Variants in SH3PXD2A observed in about 807,000 individuals in gnomAD.
The protein encoded by SH3PXD2A is SH3 and PX domain-containing protein 2A.
SH3PXD2A carries 32 observed loss-of-function variants against 115.2 expected under a neutral mutation model. That is an observed-to-expected ratio of 0.28 (90% CI 0.21 to 0.37). The LOEUF is 0.37. Ranked by LOEUF, SH3PXD2A falls within the 10% of genes least tolerant of loss-of-function variation. The probability of loss-of-function intolerance (pLI) is 1.00; values close to 1 mark genes in which losing one functional copy is unlikely to be tolerated. For synonymous variants in SH3PXD2A, 610 were observed against 629.1 expected, an observed-to-expected ratio of 0.97 and a Z score of 0.45; for missense variants, 1,328 against 1,498.7, an observed-to-expected ratio of 0.89 and a Z score of 1.88.
chr10:103,786,570 G>A (rs2038983159), intron 2 of SH3PXD2A, among the ~76,000 whole-genome samples: 1 of 152,178 alleles, frequency 6.6e-6, no homozygotes, highest in African/African-American at 2.4e-5. Context: ...AGGAAGCTGA[G>A]CTGAGAGGAT....
At position 103,598,060 on chromosome 10, in the gene SH3PXD2A, G is replaced by A. The variant is rs1220068692; in HGVS notation, c.*3756C>T. ...AACATGCCTTGCTGAGGAAAGCAAT[G>A]GATATAAATGCCTGTAAAATACGCT... is the stretch of plus-strand genomic sequence containing the variant. On this transcript the variant is annotated 3_prime_UTR_variant, in exon 15 of 15. Transcript: ENST00000369774. The A allele has an allele frequency of 2.0e-5, 3 of 152,620 alleles. No individual in the cohort carries two copies. The East Asian group carries it at 5.8e-4, about 29-fold the overall frequency. 9.5% of individuals were successfully genotyped at this position (152,620 alleles called of 1,614,324 possible). A position where few individuals can be genotyped will look rare whatever the true frequency, so the allele number is the denominator to read the frequency against.
chr10:103,764,747 A>G (rs1018801628), intron 3 of SH3PXD2A, among the ~76,000 whole-genome samples: 1 of 152,128 alleles, frequency 6.6e-6, no homozygotes, highest in Admixed American at 6.5e-5. Flanking sequence ...TGTTCTCGGC[A>G]CCTGGGCAGC....
At chr10:103,655,635 T>C (rs1183201052) in intron 8 of SH3PXD2A, among the ~76,000 whole-genome samples, 1 of 151,864 alleles carries the variant, frequency 6.6e-6, no homozygotes, top group Non-Finnish European at 1.5e-5. Flanking sequence ...CAGGCAGGCA[T>C]GGTGGTGCAC....
intron 2 of SH3PXD2A, among the ~76,000 whole-genome samples, chr10:103,769,021 C>G (rs1388947654): frequency 6.6e-6 from 1 of 152,052 alleles, no homozygotes; most frequent in Non-Finnish European, 1.5e-5. Flanking sequence ...GGGATCAGCC[C>G]TCATGACCCA....
chr10:103,772,686 G>A (rs1238646925), intron 2 of SH3PXD2A, among the ~76,000 whole-genome samples: 1 of 152,210 alleles, frequency 6.6e-6, no homozygotes, highest in African/African-American at 2.4e-5. Context: ...GCTCTCCCAG[G>A]GCAGGGCTCC....
At chr10:103,827,605 A>T (rs1013688343) in intron 1 of SH3PXD2A, among the ~76,000 whole-genome samples, 1 of 152,164 alleles carries the variant, frequency 6.6e-6, no homozygotes. Context: ...CGCCTGGCAC[A>T]CCACATTCTC....
chr10:103,810,836 C>A (rs75747224), intron 1 of SH3PXD2A, among the ~76,000 whole-genome samples: 1 of 95,718 alleles, frequency 1.0e-5, no homozygotes, highest in Admixed American at 1.3e-4. Context: ...ACAACACACA[C>A]AACACACACA....
chr10:103,614,279 GA>G (rs2036475119), intron 11 of SH3PXD2A, among the ~76,000 whole-genome samples: 1 of 152,012 alleles, frequency 6.6e-6, no homozygotes, highest in Non-Finnish European at 1.5e-5. Flanking sequence ...GTGATTTGGG[GA>G]AAACTGATGA....
intron 7 of SH3PXD2A, chr10:103,661,860 AAC>A (rs2037310155): frequency 6.1e-6 from 6 of 984,810 alleles, no homozygotes; most frequent in African/African-American, 1.8e-5. Flanking sequence ...GTTTACTTGA[AAC>A]CCAAGAAGAA....
At chr10:103,738,835 T>C (rs992690006) in intron 3 of SH3PXD2A, among the ~76,000 whole-genome samples, 25 of 151,920 alleles carry the variant, frequency 1.6e-4, no homozygotes, top group South Asian at 4.2e-4. Context: ...ACTTTTGTTG[T>C]CCAGGCTGGA....
At chr10:103,647,552 G>A (rs560302992) in intron 8 of SH3PXD2A, among the ~76,000 whole-genome samples, 1 of 152,342 alleles carries the variant, frequency 6.6e-6, no homozygotes, top group East Asian at 1.9e-4. Context: ...GTGTCTGGTT[G>A]TGCAGTCAGG....
In SH3PXD2A at chr10:103,752,933, G is replaced by A. The variant is rs576056426; in HGVS notation, c.229+14161C>T. ...GCAGTTGATAGATTAAGTGAAAGGT[G>A]ACTGAGAAAATAATGTAATCTAGCT... is the stretch of plus-strand genomic sequence containing the variant. On this transcript the variant is annotated intron_variant, in intron 3 of 14. Coordinates refer to ENST00000369774, the MANE Select transcript of SH3PXD2A (RefSeq NM_001394015.1). Among the ~76,000 whole-genome samples the A allele has an allele frequency of 2.3e-3, 348 of 152,258 alleles. 1 individual carries two copies. Among genetic ancestry groups the A allele is most frequent in the Non-Finnish European group, 3.6e-3 (247 of 68,022 alleles).
At chr10:103,640,662 A>C (rs1441949659) in intron 8 of SH3PXD2A, among the ~76,000 whole-genome samples, 2 of 152,182 alleles carry the variant, frequency 1.3e-5, no homozygotes, top group East Asian at 1.9e-4. Flanking sequence ...TTAGAGAAGA[A>C]GGCGGTGAAT....
chr10:103,711,471 CGT>C (rs2038045891), intron 5 of SH3PXD2A, among the ~76,000 whole-genome samples: 1 of 152,218 alleles, frequency 6.6e-6, no homozygotes, highest in Non-Finnish European at 1.5e-5. Flanking sequence ...ACGCAGGGAA[CGT>C]GCCCACTGAG....
chr10:103,822,549 G>C (rs763743223), intron 1 of SH3PXD2A, among the ~76,000 whole-genome samples: 67 of 145,922 alleles, frequency 4.6e-4, no homozygotes, highest in African/African-American at 7.6e-4. Context: ...GGGCATGGTG[G>C]GGGGGGAGCA....
chr10:103,708,871 A>G (rs973648532), intron 5 of SH3PXD2A, among the ~76,000 whole-genome samples: 11 of 151,982 alleles, frequency 7.2e-5, no homozygotes, highest in Admixed American at 3.3e-4. Context: ...GGGATAATGC[A>G]TGTCCCCCAT....
At chr10:103,849,480 T>C (rs976421531) in intron 1 of SH3PXD2A, among the ~76,000 whole-genome samples, 2 of 152,204 alleles carry the variant, frequency 1.3e-5, no homozygotes, top group African/African-American at 4.8e-5. Context: ...ACCGGCACCA[T>C]GCACACAGCA....
intron 1 of SH3PXD2A, among the ~76,000 whole-genome samples, chr10:103,814,536 G>A (rs1589466853): frequency 6.6e-6 from 1 of 152,158 alleles, no homozygotes; most frequent in Admixed American, 6.5e-5. Flanking sequence ...GTTGTCCAAG[G>A]ATGGAAGGGG....
chr10:103,733,267 G>A (rs986586569), intron 4 of SH3PXD2A, among the ~76,000 whole-genome samples: 1 of 152,128 alleles, frequency 6.6e-6, no homozygotes, highest in Non-Finnish European at 1.5e-5. Flanking sequence ...TCTGAATCAG[G>A]AGTCCTGTTC....
Sources: allele counts gnomAD v4.1 joint callset (sites outside exome capture counted in the v4.1 genomes callset), GRCh38; gene constraint gnomAD v4.1.1; transcripts MANE v1.5; gene names NCBI Gene and HGNC (gene_info 2026-07-23, HGNC 2026-07-21).